The following ODAM variants were observed in gnomAD, a reference collection of about 807,000 sequenced individuals.
ODAM encodes the protein odontogenic, ameloblast associated.
ODAM carries 55 observed loss-of-function variants against 48.5 expected under a neutral mutation model. The observed-to-expected ratio is 1.13, with a 90% CI of 0.91 to 1.42. The LOEUF is 1.42. Ranked by LOEUF, ODAM falls within the 40% of genes most tolerant of loss-of-function variation. The pLI is 0.00. For synonymous variants in ODAM, 127 were observed against 107.8 expected, an observed-to-expected ratio of 1.18 and a Z score of -1.10; for missense variants, 353 against 323.6, an observed-to-expected ratio of 1.09 and a Z score of -0.70.
rs758137062 is a variant in ODAM, at chr4:70,196,599, G to T, written c.51+5G>T. The T allele has an allele frequency of 1.8e-5, 28 of 1,597,268 alleles. No homozygotes were observed. The Admixed American group carries it at 2.0e-4, about 11-fold the overall frequency. On this transcript the variant is annotated splice_donor_5th_base_variant and intron_variant, in intron 2 of 11. Coordinates refer to ENST00000683306, the MANE Select transcript of ODAM (RefSeq NM_017855.4). ...GGAGCCACATTGTCAGCCCCAGTAA[G>T]TGATTTTATGGCACTACTAGTCCCA...
chr4:70,198,545 G>A, intron 5 of ODAM, 34 bp from the exon 6 acceptor site: 1 of 1,503,090 alleles, frequency 6.7e-7, no homozygotes, highest in Non-Finnish European at 9.1e-7. Context: ...ACAAAGTCAA[G>A]CATACATTTT....
At chr4:70,200,748 G>C in intron 7 of ODAM, 147 bp downstream of exon 7, 5 of 516,350 alleles carry the variant, frequency 9.7e-6, no homozygotes, top group Non-Finnish European at 1.7e-5. Context: ...GGTAGGTATA[G>C]TGTTCTCGGC....
Position 70,203,201 on chromosome 4 carries a change from A to T in ODAM, c.*16A>T. The T allele has an allele frequency of 6.3e-7, 1 of 1,590,066 alleles. No homozygotes were observed. ...GGAACCATAAGAAGTTGCCCTGATC[A>T]TTCAGACATTTTGGTAGGTATTTGC... On this transcript the variant is annotated 3_prime_UTR_variant, in exon 11 of 12. Transcript: ENST00000683306.
rs951702487 is a variant in ODAM, at chr4:70,204,261, A to T, written c.*116A>T. On this transcript the variant is annotated 3_prime_UTR_variant, in exon 12 of 12. Transcript: ENST00000683306. The stretch of plus-strand genomic sequence containing the variant: ...ATCAGTTCTTTGGAATACATGAAAT[A>T]TCTTGACTCTTCTCCTAAATTTGTT... 1 of 152,008 alleles carries T rather than the reference A, an allele frequency of 6.6e-6. No homozygotes were observed. The highest frequency in any genetic ancestry group is 2.4e-5 in the African/African-American group (1 of 41,436). 9.4% of individuals were successfully genotyped at this position (152,008 alleles called of 1,614,324 possible). A position where few individuals can be genotyped will look rare whatever the true frequency, so the allele number is the denominator to read the frequency against.
intron 6 of ODAM, chr4:70,200,079 T>C (rs1729463046): frequency 4.5e-6 from 2 of 439,650 alleles, no homozygotes; most frequent in Admixed American, 2.6e-5. Flanking sequence ...AATACATTCA[T>C]AGCATTTCAT....
intron 7 of ODAM, among the ~76,000 whole-genome samples, chr4:70,200,816 T>A (rs1415824337): frequency 6.6e-6 from 1 of 151,976 alleles, no homozygotes; most frequent in African/African-American, 2.4e-5. Flanking sequence ...TTTTAGCCAA[T>A]GAAATCAGTA....
chr4:70,197,586 C>CA (rs1729399527), intron 4 of ODAM: 3 of 531,616 alleles, frequency 5.6e-6, no homozygotes, highest in African/African-American at 1.9e-5. Context: ...AATTATTTTA[C>CA]AAAAAGTCAT....
intron 6 of ODAM, among the ~76,000 whole-genome samples, chr4:70,199,777 C>A (rs1159984774): frequency 6.6e-6 from 1 of 151,854 alleles, no homozygotes; most frequent in Non-Finnish European, 1.5e-5. Flanking sequence ...CTCCTGAAAC[C>A]CTAGTTGTTT....
Position 70,201,486 on chromosome 4 carries a change from A to T in ODAM, c.561A>T (p.Pro187=). 1 of 1,517,566 alleles carries T rather than the reference A, an allele frequency of 6.6e-7. No individual in the cohort carries two copies. The highest frequency in any genetic ancestry group is 9.1e-7 in the Non-Finnish European group (1 of 1,097,596). 94.0% of individuals were successfully genotyped at this position (1,517,566 alleles called of 1,614,324 possible). ...TCTATGCTCAATTTGGATACATTCC[A>T]CAACTAGCAGAACCTGTAAGTAAAT... ...IPFYAQFGYI[P]QLAEPAISGG... The change falls in exon 8 of 12, where the codon CCA becomes CCT. Residue 187 remains proline (P), a synonymous_variant. Transcript: ENST00000683306.
Position 70,196,606 on chromosome 4 carries a change from T to C in ODAM, c.51+12T>C. 1 of 1,595,296 alleles carries C rather than the reference T, an allele frequency of 6.3e-7. No homozygotes were observed. The highest frequency in any genetic ancestry group is 8.6e-7 in the Non-Finnish European group (1 of 1,165,500). ...CATTGTCAGCCCCAGTAAGTGATTT[T>C]ATGGCACTACTAGTCCCACTGTGTT... is the stretch of plus-strand genomic sequence containing the variant. On this transcript the variant is annotated intron_variant, in intron 2 of 11. Transcript: ENST00000683306.
intron 6 of ODAM, 50 bp from the exon 7 acceptor site, chr4:70,200,447 C>G: frequency 2.0e-6 from 2 of 977,262 alleles, no homozygotes; most frequent in Non-Finnish European, 3.2e-6. Context: ...AAAAGTATGT[C>G]CTATGCTGAT....
intron 4 of ODAM, 166 bp from the exon 5 acceptor site, chr4:70,197,758 G>A (rs1444695562): frequency 1.3e-5 from 8 of 624,416 alleles, no homozygotes; most frequent in Admixed American, 3.0e-5. Context: ...CATTTGCTTC[G>A]TATTATTTGC....
chr4:70,196,433 C>A, intron 1 of ODAM, 96 bp from the exon 2 acceptor site: 2 of 622,928 alleles, frequency 3.2e-6, no homozygotes, highest in Non-Finnish European at 5.4e-6. Context: ...CTATAGAATT[C>A]ACCCAGCTAT....
intron 6 of ODAM, 26 bp downstream of exon 6, chr4:70,198,652 A>G (rs1729432792): frequency 3.8e-6 from 6 of 1,581,524 alleles, no homozygotes; most frequent in East Asian, 4.5e-5. Flanking sequence ...AACACTGCCC[A>G]TAGAGATGGC....
chr4:70,203,006 A>C lies in ODAM; in HGVS notation c.810+89A>C, dbSNP rs1325549453. The C allele has an allele frequency of 2.2e-5, 31 of 1,388,290 alleles. No homozygotes were observed. The East Asian group carries it at 7.4e-4, about 33-fold the overall frequency. 86.0% of individuals were successfully genotyped at this position (1,388,290 alleles called of 1,614,324 possible). On this transcript the variant is annotated intron_variant, in intron 10 of 11. Coordinates refer to ENST00000683306, the MANE Select transcript of ODAM (RefSeq NM_017855.4). Reference sequence around the variant, plus strand: ...ATTAGTGCTTTAATTTATAGGACTTAGTCATGAAATTAAGAAGATAACTAA... The same window carrying C: ...ATTAGTGCTTTAATTTATAGGACTTCGTCATGAAATTAAGAAGATAACTAA...
chr4:70,198,147 G>A lies in ODAM; in HGVS notation c.365G>A (p.Gly122Asp). The change falls in exon 5 of 12, where the codon GGC becomes GAC. Residue 122 changes from glycine to aspartate, a missense_variant. Physicochemically the swap from Gly to Asp is moderately conservative, Grantham distance 94. Coordinates refer to ENST00000683306, the MANE Select transcript of ODAM (RefSeq NM_017855.4). ...CAAACACCGCCTCAGACACAACCAG[G>A]CCCCAGTCACGTAAGTCAGGCCTCT... ...QLQTPPQTQP[G>D]PSHVMPYVFS... The A allele has an allele frequency of 2.5e-6, 4 of 1,612,716 alleles. No homozygotes were observed. In the South Asian group the frequency reaches 3.3e-5, roughly 13 times the overall value.
At position 70,202,850 on chromosome 4, in the gene ODAM, C is replaced by G. The variant is rs1729534527; in HGVS notation, c.743C>G (p.Pro248Arg). The G allele has an allele frequency of 6.2e-7, 1 of 1,612,134 alleles. No individual in the cohort carries two copies. The highest frequency in any genetic ancestry group is 1.7e-5 in the Admixed American group (1 of 59,754). The change falls in exon 10 of 12, where the codon CCC (proline) becomes CGC (arginine). Residue 248 changes from proline (P) to arginine (R), a missense_variant. Transcript: ENST00000683306. ...TTCATGCCCTCAACTTCACCAAAAC[C>G]CAGCACAACCAATGTTTTCACTTCT... Reference protein sequence around the residue: ...GVFMPSTSPKPSTTNVFTSAV... With the variant: ...GVFMPSTSPKRSTTNVFTSAV...
rs1158737399 is a variant in ODAM, at chr4:70,197,864, A to C, written c.142-60A>C. 3 of 1,400,886 alleles carry C rather than the reference A, an allele frequency of 2.1e-6. No individual in the cohort carries two copies. The East Asian group carries it at 6.9e-5, about 32-fold the overall frequency. The allele number at this position is 1,400,886 out of a possible 1,614,324, so 86.8% of individuals were successfully genotyped here. On this transcript the variant is annotated intron_variant, in intron 4 of 11. Transcript: ENST00000683306. ...TTTTGCCTCTTTCTTGCTCAGGACT[A>C]ATTTTTAAATTCTTTTTGGCATGAA...
chr4:70,201,349 T>TA, intron 7 of ODAM, 105 bp from the exon 8 acceptor site: 1 of 585,928 alleles, frequency 1.7e-6, no homozygotes, highest in South Asian at 2.3e-5. Context: ...TAAAAATGCT[T>TA]TTAACTTATA....
Sources: gnomAD v4.1 joint callset for allele counts (sites outside exome capture counted in the v4.1 genomes callset) on GRCh38, gnomAD v4.1.1 for gene constraint, MANE v1.5 for transcripts, NCBI Gene and HGNC (gene_info 2026-07-23, HGNC 2026-07-21) for gene names.